SCMH1: variants seen among roughly 807,000 people sequenced by gnomAD.
The protein encoded by SCMH1 is polycomb protein SCMH1.
Under a neutral mutation model 70.8 loss-of-function variants are expected in SCMH1, and 37 were observed. The ratio of observed to expected loss-of-function variants is 0.52; its 90% confidence interval spans 0.40 to 0.69. The LOEUF (loss-of-function observed/expected upper bound fraction) is 0.69. Ranked by LOEUF, SCMH1 falls within the 30% of genes least tolerant of loss-of-function variation. The pLI is 0.00. For missense variants in SCMH1, 607 were observed against 827.3 expected (o/e 0.73, Z 3.27); for synonymous variants, 292 against 307.4 (o/e 0.95, Z 0.52).
At chr1:41,090,296 A>T (rs1430892028) in intron 8 of SCMH1, among the ~76,000 whole-genome samples, 1 of 152,230 alleles carries the variant, frequency 6.6e-6, no homozygotes, top group African/African-American at 2.4e-5. Flanking sequence ...TATTTTCCAA[A>T]ACAATAAGTT....
intron 8 of SCMH1, among the ~76,000 whole-genome samples, chr1:41,095,471 A>G (rs1289345297): frequency 6.6e-6 from 1 of 152,104 alleles, no homozygotes; most frequent in Non-Finnish European, 1.5e-5. Flanking sequence ...AAAACTGGGA[A>G]AAAAATTAGA....
chr1:41,031,868 A>C (rs945146085), intron 13 of SCMH1, among the ~76,000 whole-genome samples: 4 of 152,194 alleles, frequency 2.6e-5, no homozygotes, highest in Admixed American at 2.0e-4. Flanking sequence ...AAATACACAC[A>C]TGCTACTGAC....
At chr1:41,055,440 C>T (rs1428930482) in intron 10 of SCMH1, among the ~76,000 whole-genome samples, 1 of 152,166 alleles carries the variant, frequency 6.6e-6, no homozygotes, top group Non-Finnish European at 1.5e-5. Flanking sequence ...AGCTCTGCCT[C>T]CTGGGTTCAC....
intron 9 of SCMH1, 33 bp downstream of exon 9, chr1:41,075,186 T>C: frequency 6.2e-7 from 1 of 1,606,006 alleles, no homozygotes; most frequent in Non-Finnish European, 8.5e-7. Context: ...TATAAACCCT[T>C]ATTCCTTTCT....
At chr1:41,151,467 CT>C (rs1645069781) in intron 5 of SCMH1, 146 bp downstream of exon 5, 1 of 500,592 alleles carries the variant, frequency 2.0e-6, no homozygotes, top group Non-Finnish European at 3.6e-6. Context: ...CCAAATTTTA[CT>C]TCTTGAGCTG....
intron 1 of SCMH1, among the ~76,000 whole-genome samples, chr1:41,210,662 A>G (rs1656804815): frequency 6.6e-6 from 1 of 152,186 alleles, no homozygotes; most frequent in Non-Finnish European, 1.5e-5. Flanking sequence ...CATATGCAGA[A>G]AGCTGAAACT....
intron 8 of SCMH1, chr1:41,098,647 A>G: frequency 6.1e-6 from 1 of 163,432 alleles, no homozygotes; most frequent in South Asian, 1.8e-4. Context: ...GATGGCACTG[A>G]AGACAAAGAA....
intron 8 of SCMH1, among the ~76,000 whole-genome samples, chr1:41,111,311 C>T (rs1360725957): frequency 6.6e-6 from 1 of 152,118 alleles, no homozygotes; most frequent in African/African-American, 2.4e-5. Flanking sequence ...CATGATTTGG[C>T]ACCTGTCCAC....
intron 4 of SCMH1, 35 bp downstream of exon 4, chr1:41,160,840 C>A: frequency 6.5e-7 from 1 of 1,540,998 alleles, no homozygotes; most frequent in South Asian, 1.2e-5. Flanking sequence ...TACCAATTCC[C>A]CTTATTTAAC....
chr1:41,149,073 G>A (rs1644839585), intron 5 of SCMH1, among the ~76,000 whole-genome samples: 1 of 152,110 alleles, frequency 6.6e-6, no homozygotes, highest in African/African-American at 2.4e-5. Context: ...TTACAGGCCT[G>A]AGACACCATG....
At chr1:41,200,468 A>T (rs916186549) in intron 1 of SCMH1, among the ~76,000 whole-genome samples, 2 of 148,614 alleles carry the variant, frequency 1.3e-5, no homozygotes, top group African/African-American at 4.9e-5. Context: ...CGAGAGCAAA[A>T]CTCGTCTCAA....
chr1:41,209,992 T>C (rs889344901), intron 1 of SCMH1, among the ~76,000 whole-genome samples: 1 of 152,288 alleles, frequency 6.6e-6, no homozygotes, highest in East Asian at 1.9e-4. Flanking sequence ...TCTCCTTAAG[T>C]TGATAAGCAA....
intron 10 of SCMH1, among the ~76,000 whole-genome samples, chr1:41,063,719 T>A (rs138682442): frequency 6.6e-6 from 1 of 152,288 alleles, no homozygotes; most frequent in African/African-American, 2.4e-5. Context: ...ACAAATTTGA[T>A]AACCTAGATG....
At chr1:41,150,636 A>G (rs945140694) in intron 5 of SCMH1, among the ~76,000 whole-genome samples, 1 of 152,056 alleles carries the variant, frequency 6.6e-6, no homozygotes, top group African/African-American at 2.4e-5. Context: ...TTCTACTTAG[A>G]AAACAGACAA....
intron 1 of SCMH1, among the ~76,000 whole-genome samples, chr1:41,229,671 A>C (rs1199762266): frequency 6.6e-6 from 1 of 152,124 alleles, no homozygotes; most frequent in East Asian, 1.9e-4. Flanking sequence ...GCAAACCAAC[A>C]TGGCACATGT....
intron 4 of SCMH1, among the ~76,000 whole-genome samples, chr1:41,154,043 G>C (rs928510773): frequency 1.2e-4 from 19 of 152,228 alleles, no homozygotes; most frequent in Non-Finnish European, 2.6e-4. Context: ...CAGACAGTAT[G>C]TGTGCCTAAA....
chr1:41,211,042 T>G (rs1656896096), intron 1 of SCMH1, among the ~76,000 whole-genome samples: 1 of 152,048 alleles, frequency 6.6e-6, no homozygotes, highest in Admixed American at 6.5e-5. Context: ...TCTCCTGACC[T>G]CGTGATCCAC....
At chr1:41,193,824 T>C (rs1652340923) in intron 1 of SCMH1, among the ~76,000 whole-genome samples, 1 of 152,166 alleles carries the variant, frequency 6.6e-6, no homozygotes, top group Non-Finnish European at 1.5e-5. Flanking sequence ...TTGAGGACTC[T>C]GGTATCATCC....
At chr1:41,209,590 G>T (rs1363355838) in intron 1 of SCMH1, among the ~76,000 whole-genome samples, 1 of 152,118 alleles carries the variant, frequency 6.6e-6, no homozygotes, top group African/African-American at 2.4e-5. Flanking sequence ...GTAATTCATC[G>T]CATAAACAGA....
Sources: gnomAD v4.1 joint callset for allele counts (sites outside exome capture counted in the v4.1 genomes callset) on GRCh38, gnomAD v4.1.1 for gene constraint, MANE v1.5 for transcripts, NCBI Gene and HGNC (gene_info 2026-07-23, HGNC 2026-07-21) for gene names.